Variants in ANLN observed in about 807,000 individuals in gnomAD.
ANLN encodes anillin, actin binding protein, also known as anillin.
ANLN carries 59 observed loss-of-function variants against 135.1 expected under a neutral mutation model. That is an observed-to-expected ratio of 0.44 (90% confidence interval 0.35 to 0.54). ANLN has a LOEUF of 0.54. Ranked by LOEUF, ANLN falls within the 20% of genes least tolerant of loss-of-function variation. The pLI is 0.00. For synonymous variants in ANLN, 406 were observed against 456.4 expected, an observed-to-expected ratio of 0.89 and a Z score of 1.41; for missense variants, 1,182 against 1,340.0, an observed-to-expected ratio of 0.88 and a Z score of 1.84.
intron 7 of ANLN, among the ~76,000 whole-genome samples, chr7:36,413,934 C>T (rs565742089): frequency 6.6e-6 from 1 of 151,478 alleles, no homozygotes; most frequent in Non-Finnish European, 1.5e-5. Flanking sequence ...TCGGAGGTTG[C>T]AGTGAGCCGA....
chr7:36,410,954 A>G (rs1583610674), intron 6 of ANLN, 105 bp from the exon 7 acceptor site: 2 of 1,111,880 alleles, frequency 1.8e-6, no homozygotes, highest in Middle Eastern at 2.1e-4. Flanking sequence ...AACTGTTTAA[A>G]CTTTTTAAAC....
intron 3 of ANLN, among the ~76,000 whole-genome samples, chr7:36,401,170 G>A (rs1347577255): frequency 3.3e-5 from 5 of 151,972 alleles, no homozygotes; most frequent in Middle Eastern, 3.2e-3. Flanking sequence ...TTCTAATAGC[G>A]TTTAATTCTT....
At chr7:36,422,581 A>T in intron 13 of ANLN, 52 bp from the exon 14 acceptor site, 1 of 1,507,402 alleles carries the variant, frequency 6.6e-7, no homozygotes, top group Non-Finnish European at 8.9e-7. Flanking sequence ...ATTTGCTCTC[A>T]TTAGAAACAG....
At position 36,452,702 on chromosome 7, in the gene ANLN, A is replaced by C. The variant is rs1789298342; in HGVS notation, c.*102A>C. ...ATTGCATTTTATGCTTTAAGTACGAAAGGGTTTGTGCCAATATTCACTACG... is the reference window on the plus strand; with the variant it reads ...ATTGCATTTTATGCTTTAAGTACGACAGGGTTTGTGCCAATATTCACTACG... On this transcript the variant is annotated 3_prime_UTR_variant, in exon 24 of 24. Coordinates refer to ENST00000265748, the MANE Select transcript of ANLN (RefSeq NM_018685.5). 7.1e-7 allele frequency: 1 copy of C among 1,415,180 alleles called. No individual in the cohort carries two copies. Among genetic ancestry groups the C allele is most frequent in the Admixed American group, 1.9e-5 (1 of 52,854 alleles). The allele number at this position is 1,415,180 out of a possible 1,614,324, so 87.7% of individuals were successfully genotyped here. A position where few individuals can be genotyped will look rare whatever the true frequency, so the allele number is the denominator to read the frequency against.
intron 15 of ANLN, 33 bp from the exon 16 acceptor site, chr7:36,424,512 C>T: frequency 6.4e-7 from 1 of 1,555,470 alleles, no homozygotes; most frequent in Non-Finnish European, 8.8e-7. Flanking sequence ...GAGGTTTTCT[C>T]TCAAGGTTTT....
rs771838347 is a variant in ANLN, at chr7:36,406,544, A to G, written c.851A>G (p.Asn284Ser). 50 of 1,512,520 alleles carry G rather than the reference A, an allele frequency of 3.3e-5. No homozygotes were observed. Among genetic ancestry groups the G allele is most frequent in the Admixed American group, 4.3e-5 (2 of 46,360 alleles). The allele number at this position is 1,512,520 out of a possible 1,614,324, so 93.7% of individuals were successfully genotyped here. Residue 284 changes from asparagine (N) to serine (S), a missense_variant, in exon 4 of 24, where the codon AAT (asparagine) becomes AGT (serine). By Grantham distance (46) the Asn-to-Ser change is conservative. Transcript: ENST00000265748. ...SSSADDASLVNASISSSVKAT... is the reference protein window; with the variant it reads ...SSSADDASLVSASISSSVKAT... ...AGTGCTGATGATGCGTCTTTGGTTAATGCCTCAATTTCCAGCTCTGTGGTA... is the reference window on the plus strand; with the variant it reads ...AGTGCTGATGATGCGTCTTTGGTTAGTGCCTCAATTTCCAGCTCTGTGGTA...
chr7:36,406,610 C>A, intron 4 of ANLN, 44 bp downstream of exon 4: 1 of 1,461,940 alleles, frequency 6.8e-7, no homozygotes, highest in Non-Finnish European at 9.0e-7. Flanking sequence ...TTTCTTTTTT[C>A]GTTATGAGTG....
At chr7:36,420,773 G>T (rs1456410856) in intron 12 of ANLN, 29 bp downstream of exon 12, 2 of 1,611,568 alleles carry the variant, frequency 1.2e-6, no homozygotes, top group Admixed American at 3.3e-5. Flanking sequence ...AGGGGCTTTG[G>T]AATGTTTCTT....
At chr7:36,446,143 C>T (rs768995451) in intron 22 of ANLN, among the ~76,000 whole-genome samples, 12 of 152,126 alleles carry the variant, frequency 7.9e-5, no homozygotes, top group Non-Finnish European at 1.2e-4. Flanking sequence ...TTTTCATGCA[C>T]AGACTTTTCT....
Position 36,411,095 on chromosome 7 carries a change from T to C in ANLN, c.1324T>C (p.Phe442Leu). 7 of 1,610,544 alleles carry C rather than the reference T, an allele frequency of 4.3e-6. No individual in the cohort carries two copies. The highest frequency in any genetic ancestry group is 5.9e-6 in the Non-Finnish European group (7 of 1,179,290). ...QKELACLRGR[F>L]DKGNIWSAEK... ...AGAACTAGCATGTCTTCGTGGCCGATTTGACAAGGGCAATATATGGAGTGC... is the reference window on the plus strand; with the variant it reads ...AGAACTAGCATGTCTTCGTGGCCGACTTGACAAGGGCAATATATGGAGTGC... Residue 442 changes from phenylalanine (F) to leucine (L), a missense_variant, in exon 7 of 24, where the codon TTT becomes CTT. By Grantham distance (22) the Phe-to-Leu change is conservative (BLOSUM62 0). Around this residue, in one of 3 missense-constraint regions of ANLN, gnomAD observed 1,022 missense variants for 1,134.0 expected, o/e 0.90. Transcript: ENST00000265748.
Position 36,399,237 on chromosome 7 carries a change from G to A in ANLN, c.331G>A (p.Asp111Asn), listed in dbSNP as rs551763578. 19 of 1,614,190 alleles carry A rather than the reference G, an allele frequency of 1.2e-5. No homozygotes were observed. The South Asian group carries it at 2.1e-4, about 18-fold the overall frequency. ...VSPQVQPQAA[D>N]TISDSVAVPA... Reference sequence around the variant, plus strand: ...TCCTCAGGTGCAGCCACAAGCAGCAGATACCATCAGTGATTCTGTTGCTGT... The same window carrying A: ...TCCTCAGGTGCAGCCACAAGCAGCAAATACCATCAGTGATTCTGTTGCTGT... The change falls in exon 3 of 24, where the codon GAT (aspartate) becomes AAT (asparagine). Residue 111 changes from aspartate (D) to asparagine (N), a missense_variant. Asp to Asn is a conservative substitution (Grantham distance 23). This residue lies in a region of ANLN where 1,022 missense variants were observed against 1,134.0 expected (regional missense o/e 0.90). Coordinates refer to ENST00000265748, the MANE Select transcript of ANLN (RefSeq NM_018685.5).
intron 22 of ANLN, among the ~76,000 whole-genome samples, chr7:36,444,758 T>C (rs1318571955): frequency 6.6e-6 from 1 of 152,010 alleles, no homozygotes; most frequent in African/African-American, 2.4e-5. Context: ...AAATGTATAA[T>C]ATATAATAAT....
At chr7:36,435,340 T>A (rs13230179) in intron 20 of ANLN, among the ~76,000 whole-genome samples, 2 of 151,406 alleles carry the variant, frequency 1.3e-5, no homozygotes, top group African/African-American at 4.9e-5. Context: ...TCATTTATTG[T>A]TTTTATTTTT....
At chr7:36,449,891 T>TAGTG in intron 23 of ANLN, 54 bp downstream of exon 23, 1 of 1,533,870 alleles carries the variant, frequency 6.5e-7, no homozygotes, top group East Asian at 2.3e-5. Context: ...TTGCCCACTA[T>TAGTG]GTACTTACCA....
intron 7 of ANLN, among the ~76,000 whole-genome samples, chr7:36,412,962 C>A (rs563880253): frequency 6.7e-6 from 1 of 149,012 alleles, no homozygotes; most frequent in Non-Finnish European, 1.5e-5. Context: ...CAAAGTGTCC[C>A]ACTTTTTTTC....
chr7:36,401,582 G>A (rs7806973), intron 3 of ANLN, among the ~76,000 whole-genome samples: 29,028 of 100,694 alleles, frequency 0.29, 6,199 homozygotes, highest in African/African-American at 0.37. Flanking sequence ...CAGGTGATCC[G>A]CCTGCCGCGG....
rs750927251 is a variant in ANLN at position 36,419,367 on chromosome 7, A to AGAT, written c.1759_1761dup (p.Met587dup). 1.7e-5 allele frequency: 27 copies of AGAT among 1,614,028 alleles called. No homozygotes were observed. The highest frequency in any genetic ancestry group is 3.3e-5 in the Admixed American group (2 of 59,988). ...CTAGATATGGAGAAGAGCCAAGAGG[A>AGAT]GATGGATCAAGCATTAGCAGAAAGC... On this transcript the variant is annotated inframe_insertion, in exon 10 of 24. Coordinates refer to ENST00000265748, the MANE Select transcript of ANLN (RefSeq NM_018685.5).
Position 36,421,871 on chromosome 7 carries a change from A to T in ANLN, c.2178A>T (p.Glu726Asp). 1.2e-6 allele frequency: 2 copies of T among 1,608,120 alleles called. No homozygotes were observed. The highest frequency in any genetic ancestry group is 1.7e-6 in the Non-Finnish European group (2 of 1,177,738). ...IKQKMQELNN[E>D]INMQQTVIYQ... ...GGTTTTCCTAGGAACTCAATAACGA[A>T]ATAAATATGCAACAGACAGTGATCT... The change falls in exon 13 of 24, where the codon GAA (glutamate) becomes GAT (aspartate). Residue 726 changes from glutamate to aspartate, a missense_variant. By Grantham distance (45) the Glu-to-Asp change is conservative. Coordinates refer to ENST00000265748, the MANE Select transcript of ANLN (RefSeq NM_018685.5).
Position 36,407,762 on chromosome 7 carries a change from C to G in ANLN, c.902C>G (p.Thr301Arg). ...GCTACTTCTCCAGTGAAATCTACTA[C>G]ATCTATCACTGATGCTAAAAGTTGT... ...VKATSPVKSTTSITDAKSCEG... is the reference protein window; with the variant it reads ...VKATSPVKSTRSITDAKSCEG... The change falls in exon 5 of 24, where the codon ACA becomes AGA. Residue 301 changes from threonine (T) to arginine (R), a missense_variant. Physicochemically the swap from Thr to Arg is moderately conservative, Grantham distance 71 (BLOSUM62 -1). This residue lies in a region of ANLN where 1,022 missense variants were observed against 1,134.0 expected (regional missense o/e 0.90). Coordinates refer to ENST00000265748, the MANE Select transcript of ANLN (RefSeq NM_018685.5). 1.2e-6 allele frequency: 2 copies of G among 1,613,396 alleles called. No individual in the cohort carries two copies. The highest frequency in any genetic ancestry group is 1.7e-6 in the Non-Finnish European group (2 of 1,179,450).
Sources: allele counts gnomAD v4.1 joint callset (sites outside exome capture counted in the v4.1 genomes callset), GRCh38; gene constraint gnomAD v4.1.1; regional missense constraint gnomAD v4.1.1; transcripts MANE v1.5; gene names NCBI Gene and HGNC (gene_info 2026-07-23, HGNC 2026-07-21).